Variants in SLC9A9 observed in about 807,000 individuals in gnomAD.
SLC9A9 encodes the protein solute carrier family 9 member A9.
A neutral mutation model predicts 77.8 loss-of-function variants in SLC9A9; 62 were observed. That is an observed-to-expected ratio of 0.80 (90% CI 0.65 to 0.98). The LOEUF is 0.98. Ranked by LOEUF, SLC9A9 falls within the 50% of genes least tolerant of loss-of-function variation. The pLI is 0.00. For missense variants in SLC9A9, 775 were observed against 774.9 expected (o/e 1.00, Z 0.00); for synonymous variants, 320 against 283.5 (o/e 1.13, Z -1.29).
At chr3:143,509,943 G>A (rs989758326) in intron 9 of SLC9A9, among the ~76,000 whole-genome samples, 3 of 152,140 alleles carry the variant, frequency 2.0e-5, no homozygotes, top group Non-Finnish European at 4.4e-5. Context: ...GCTCTCCAGT[G>A]TGCCCAGGTA....
intron 6 of SLC9A9, among the ~76,000 whole-genome samples, chr3:143,583,264 G>C (rs2037486788): frequency 6.6e-6 from 1 of 152,182 alleles, no homozygotes; most frequent in Admixed American, 6.5e-5. Flanking sequence ...AGCAAAATTA[G>C]TTTGATGACA....
chr3:143,347,780 T>C (rs190441653), intron 14 of SLC9A9, among the ~76,000 whole-genome samples: 105 of 152,340 alleles, frequency 6.9e-4, no homozygotes, highest in African/African-American at 2.3e-3. Context: ...ATGTATTTTA[T>C]AGATCTGTGA....
At chr3:143,808,800 G>T (rs1012190680) in intron 2 of SLC9A9, among the ~76,000 whole-genome samples, 2 of 151,758 alleles carry the variant, frequency 1.3e-5, no homozygotes, top group African/African-American at 4.8e-5. Flanking sequence ...TTCTAAGATG[G>T]TTATAAGAAT....
chr3:143,559,561 T>C (rs1482952578), intron 8 of SLC9A9, among the ~76,000 whole-genome samples: 2 of 145,210 alleles, frequency 1.4e-5, no homozygotes, highest in African/African-American at 2.5e-5. Flanking sequence ...TCAGTCTTTG[T>C]TTTTTTTTTT....
At chr3:143,340,032 C>T (rs1239588898) in intron 14 of SLC9A9, among the ~76,000 whole-genome samples, 2 of 152,102 alleles carry the variant, frequency 1.3e-5, no homozygotes, top group South Asian at 2.1e-4. Context: ...CTTTTTGCAT[C>T]GTGACATTGT....
intron 8 of SLC9A9, among the ~76,000 whole-genome samples, chr3:143,561,550 G>C (rs903673237): frequency 6.6e-6 from 1 of 152,198 alleles, no homozygotes. Flanking sequence ...CTCAGCCCCT[G>C]TGGTATCTTG....
intron 8 of SLC9A9, among the ~76,000 whole-genome samples, chr3:143,569,814 C>CTTT (rs530202918): frequency 7.5e-6 from 1 of 133,394 alleles, no homozygotes; most frequent in Non-Finnish European, 1.6e-5. Context: ...TTGTTTTTTT[C>CTTT]TTTTTTTTTT....
intron 12 of SLC9A9, among the ~76,000 whole-genome samples, chr3:143,412,679 T>C (rs2034117549): frequency 6.6e-6 from 1 of 152,246 alleles, no homozygotes; most frequent in Non-Finnish European, 1.5e-5. Context: ...TTGGAATTTA[T>C]TCCTCCCTCT....
intron 4 of SLC9A9, among the ~76,000 whole-genome samples, chr3:143,780,360 C>A (rs368579405): frequency 3.3e-5 from 5 of 151,770 alleles, no homozygotes; most frequent in South Asian, 2.1e-4. Context: ...TTACATGCAA[C>A]CAAAAAAATA....
chr3:143,582,077 C>T (rs1028345437), intron 6 of SLC9A9, among the ~76,000 whole-genome samples: 1 of 152,282 alleles, frequency 6.6e-6, no homozygotes, highest in East Asian at 1.9e-4. Context: ...TGCAAAAGCT[C>T]GTTATCTCTT....
At chr3:143,538,722 T>C (rs2036635226) in intron 9 of SLC9A9, among the ~76,000 whole-genome samples, 1 of 152,146 alleles carries the variant, frequency 6.6e-6, no homozygotes, top group African/African-American at 2.4e-5. Context: ...GCCCCCATAC[T>C]ATAATCAGAG....
At chr3:143,313,016 T>C (rs756496779) in intron 14 of SLC9A9, 2 of 152,170 alleles carry the variant, frequency 1.3e-5, no homozygotes, top group African/African-American at 2.4e-5. Flanking sequence ...GCTATAATAT[T>C]ACACGAGAAC....
chr3:143,647,906 A>G (rs1476688538), intron 6 of SLC9A9, among the ~76,000 whole-genome samples: 1 of 152,216 alleles, frequency 6.6e-6, no homozygotes, highest in Non-Finnish European at 1.5e-5. Flanking sequence ...AATAGAGGAA[A>G]TCACGTGTAA....
At chr3:143,457,192 T>C (rs1203159606) in intron 12 of SLC9A9, among the ~76,000 whole-genome samples, 2 of 152,160 alleles carry the variant, frequency 1.3e-5, no homozygotes, top group Admixed American at 1.3e-4. Flanking sequence ...GCTAATTTTA[T>C]TTTTTGCACA....
intron 4 of SLC9A9, among the ~76,000 whole-genome samples, chr3:143,721,475 T>A (rs1200984924): frequency 6.6e-6 from 1 of 152,108 alleles, no homozygotes; most frequent in Admixed American, 6.5e-5. Context: ...CTCTGAAATC[T>A]CGGTGGTGCC....
chr3:143,705,003 C>CTATCTATA (rs1933922140), intron 4 of SLC9A9, among the ~76,000 whole-genome samples: 2 of 37,620 alleles, frequency 5.3e-5, no homozygotes, highest in South Asian at 1.4e-3. Context: ...AAATATCTAT[C>CTATCTATA]TATCTATCTA....
chr3:143,477,723 G>A (rs895939539), intron 11 of SLC9A9, among the ~76,000 whole-genome samples: 9 of 152,090 alleles, frequency 5.9e-5, no homozygotes, highest in African/African-American at 1.4e-4. Flanking sequence ...ATGGTTCTGC[G>A]TCAACCTATG....
At chr3:143,337,012 C>A (rs1038177877) in intron 14 of SLC9A9, among the ~76,000 whole-genome samples, 1 of 152,144 alleles carries the variant, frequency 6.6e-6, no homozygotes, top group South Asian at 2.1e-4. Flanking sequence ...GTTTGCTACA[C>A]AGTTCCTTTT....
intron 6 of SLC9A9, among the ~76,000 whole-genome samples, chr3:143,625,362 C>T (rs2038302557): frequency 6.6e-6 from 1 of 152,206 alleles, no homozygotes; most frequent in Non-Finnish European, 1.5e-5. Flanking sequence ...TGACTTCAAA[C>T]TATACTACAA....
Sources: allele counts gnomAD v4.1 joint callset (sites outside exome capture counted in the v4.1 genomes callset), GRCh38; gene constraint gnomAD v4.1.1; transcripts MANE v1.5; gene names NCBI Gene and HGNC (gene_info 2026-07-23, HGNC 2026-07-21).